The following CSMD2 variants were observed in gnomAD, a reference collection of about 807,000 sequenced individuals.
CSMD2 encodes CUB and Sushi multiple domains 2.
In CSMD2, 130 loss-of-function variants were observed where a neutral mutation model predicts 398.5. That is an observed-to-expected ratio of 0.33 (90% CI 0.28 to 0.38). The LOEUF is 0.38. Among genes scored for constraint, CSMD2 ranks in the 10% least tolerant of loss-of-function variants. The probability of loss-of-function intolerance (pLI) is 1.00; values close to 1 mark genes in which losing one functional copy is unlikely to be tolerated. For synonymous variants in CSMD2, 1,828 were observed against 1,908.5 expected (o/e 0.96, Z 1.10); for missense variants, 3,829 against 4,764.9 (o/e 0.80, Z 5.78).
At chr1:33,754,289 G>T (rs1228719419) in intron 13 of CSMD2, among the ~76,000 whole-genome samples, 2 of 152,150 alleles carry the variant, frequency 1.3e-5, no homozygotes, top group Admixed American at 6.5e-5. Flanking sequence ...TCCTTGCTCT[G>T]CTAGTTCATG....
At chr1:33,593,921 T>C (rs1375647894) in intron 44 of CSMD2, among the ~76,000 whole-genome samples, 1 of 152,206 alleles carries the variant, frequency 6.6e-6, no homozygotes, top group African/African-American at 2.4e-5. Flanking sequence ...CTAAAGTATA[T>C]GTTCAAAATC....
At chr1:33,568,200 T>TC (rs1659245020) in intron 52 of CSMD2, among the ~76,000 whole-genome samples, 1 of 151,416 alleles carries the variant, frequency 6.6e-6, no homozygotes, top group African/African-American at 2.4e-5. Flanking sequence ...TTTTTTTTTT[T>TC]TTTTTGAGAC....
At chr1:33,585,621 G>A (rs1331635284) in intron 46 of CSMD2, among the ~76,000 whole-genome samples, 1 of 152,218 alleles carries the variant, frequency 6.6e-6, no homozygotes, top group African/African-American at 2.4e-5. Flanking sequence ...GCACTGAGAT[G>A]TGGTGATACT....
intron 3 of CSMD2, among the ~76,000 whole-genome samples, chr1:33,961,367 G>A (rs575389230): frequency 2.6e-5 from 4 of 152,356 alleles, no homozygotes; most frequent in East Asian, 3.9e-4. Context: ...GAGGAGCTGC[G>A]CTCACTGGGA....
In CSMD2 at chr1:34,076,909, C is replaced by CAAAAAAA. The variant is rs1160217243; in HGVS notation, c.404+12061_404+12067dup. Among the ~76,000 whole-genome samples, 41 of 10,200 alleles carry CAAAAAAA rather than the reference C, an allele frequency of 4.0e-3. 2 individuals carry two copies. Among genetic ancestry groups the CAAAAAAA allele is most frequent in the East Asian group, 8.9e-3 (3 of 336 alleles). The allele number at this position is 10,200 out of a possible 152,430, so 6.7% of individuals were successfully genotyped here. On this transcript the variant is annotated intron_variant, in intron 2 of 70. Transcript: ENST00000373381. ...ACTGTATGGCTCTGTTACAGCAAAG[C>CAAAAAAA]AAAAAAAAAAAAAAAAAAAATATAT...
chr1:33,548,927 C>G (rs1430911965), intron 56 of CSMD2, among the ~76,000 whole-genome samples: 1 of 152,198 alleles, frequency 6.6e-6, no homozygotes, highest in Non-Finnish European at 1.5e-5. Flanking sequence ...AATGAGTCAT[C>G]ATGGCTCCTA....
At chr1:34,022,569 T>C (rs1387649509) in intron 3 of CSMD2, among the ~76,000 whole-genome samples, 1 of 152,184 alleles carries the variant, frequency 6.6e-6, no homozygotes, top group Admixed American at 6.5e-5. Flanking sequence ...GGTAATAGAA[T>C]AGGGCTGTTG....
chr1:33,963,100 T>A (rs1478495174), intron 3 of CSMD2, among the ~76,000 whole-genome samples: 1 of 152,218 alleles, frequency 6.6e-6, no homozygotes, highest in Non-Finnish European at 1.5e-5. Context: ...GTCTAAAGCC[T>A]GTCTTCCTCA....
At chr1:33,866,471 T>G (rs1640043348) in intron 5 of CSMD2, among the ~76,000 whole-genome samples, 1 of 152,254 alleles carries the variant, frequency 6.6e-6, no homozygotes, top group African/African-American at 2.4e-5. Context: ...TTTGTAGGCA[T>G]GCTGGCAAAA....
chr1:33,733,007 C>T (rs895597589), intron 15 of CSMD2, among the ~76,000 whole-genome samples: 11 of 152,170 alleles, frequency 7.2e-5, no homozygotes, highest in South Asian at 2.1e-4. Context: ...ACTAGGAAGT[C>T]GCAGGGTCAG....
At chr1:34,152,899 G>A (rs1640458769) in intron 1 of CSMD2, among the ~76,000 whole-genome samples, 2 of 152,056 alleles carry the variant, frequency 1.3e-5, no homozygotes, top group Admixed American at 6.6e-5. Context: ...TCCCTCCCCA[G>A]CCCCTGGCAA....
At chr1:33,630,443 G>A (rs1231068240) in intron 32 of CSMD2, among the ~76,000 whole-genome samples, 1 of 152,158 alleles carries the variant, frequency 6.6e-6, no homozygotes, top group Non-Finnish European at 1.5e-5. Flanking sequence ...ACTAACTTTA[G>A]GAGGTAGGAC....
At chr1:34,045,698 C>A (rs1652440969) in intron 2 of CSMD2, among the ~76,000 whole-genome samples, 1 of 152,152 alleles carries the variant, frequency 6.6e-6, no homozygotes, top group African/African-American at 2.4e-5. Context: ...TCACAGCAGA[C>A]CCACCTGCTG....
intron 6 of CSMD2, among the ~76,000 whole-genome samples, chr1:33,830,570 G>A (rs7536948): frequency 0.44 from 67,302 of 151,800 alleles, 15,388 homozygotes; most frequent in East Asian, 0.65. Flanking sequence ...AAAAAACAGA[G>A]CAGAAAAACT....
At chr1:33,964,283 T>C (rs547796324) in intron 3 of CSMD2, among the ~76,000 whole-genome samples, 3 of 152,296 alleles carry the variant, frequency 2.0e-5, no homozygotes, top group Admixed American at 2.0e-4. Context: ...ATGGAGATGA[T>C]AATAACAGTG....
chr1:33,682,420 T>A (rs373167150), intron 25 of CSMD2, among the ~76,000 whole-genome samples: 6 of 152,302 alleles, frequency 3.9e-5, no homozygotes, highest in African/African-American at 1.4e-4. Flanking sequence ...CTACAATGTT[T>A]TTGTAAGTTC....
rs757985045 is a variant in CSMD2 at position 33,577,304 on chromosome 1, A to G, written c.7568T>C (p.Leu2523Pro). 1 of 1,606,984 alleles carries G rather than the reference A, an allele frequency of 6.2e-7. No individual in the cohort carries two copies. The highest frequency in any genetic ancestry group is 1.7e-5 in the Admixed American group (1 of 59,676). ...GYHLWSEAIP[L>P]CQALSCGLPE... ...TTCCACCTGCTTCTCACCTTGACAG[A>G]GAGGGATGGCTTCGCTCCACAGGTG... is the stretch of plus-strand genomic sequence containing the variant. The change falls in exon 49 of 71, where the codon CTC (leucine) becomes CCC (proline). Residue 2523 changes from leucine (L) to proline (P), a missense_variant. By Grantham distance (98) the Leu-to-Pro change is moderately conservative (BLOSUM62 -3). Transcript: ENST00000373381.
At chr1:33,674,678 C>A (rs975935596) in intron 25 of CSMD2, among the ~76,000 whole-genome samples, 38 of 152,332 alleles carry the variant, frequency 2.5e-4, no homozygotes, top group African/African-American at 8.7e-4. Context: ...CCACACCACA[C>A]CTATTCCAAA....
In CSMD2 at chr1:33,633,483, C is replaced by G. The variant is rs1374063848; in HGVS notation, c.5139G>C (p.Glu1713Asp). 1.3e-6 allele frequency: 2 copies of G among 1,554,562 alleles called. No homozygotes were observed. The highest frequency in any genetic ancestry group is 1.7e-6 in the Non-Finnish European group (2 of 1,148,496). The stretch of plus-strand genomic sequence containing the variant: ...AGTGCTGGCTGTGGCCGTCGTGAAC[C>G]TCCACCACGTCGTTGAGGGCCGTGT... ...FFHTALNDVV[E>D]VHDGHSQHSR... Residue 1713 changes from glutamate (E) to aspartate (D), a missense_variant, in exon 32 of 71, where the codon GAG becomes GAC. Around this residue, in one of 5 missense-constraint regions of CSMD2, gnomAD observed 2,001 missense variants for 2,567.1 expected, o/e 0.78. Coordinates refer to ENST00000373381, the MANE Select transcript of CSMD2 (RefSeq NM_001281956.2). The surrounding 1 kb of genome is among the most constrained non-coding windows in gnomAD (Gnocchi z 5.0).
Sources: allele counts gnomAD v4.1 joint callset (sites outside exome capture counted in the v4.1 genomes callset), GRCh38; gene constraint gnomAD v4.1.1; regional missense constraint gnomAD v4.1.1; non-coding constraint Gnocchi (gnomAD v3.1); transcripts MANE v1.5; gene names NCBI Gene and HGNC (gene_info 2026-07-23, HGNC 2026-07-21).